Variants in CACNA2D1 observed in about 807,000 individuals in gnomAD.
The protein encoded by CACNA2D1 is calcium voltage-gated channel auxiliary subunit alpha2delta 1.
CACNA2D1 carries 53 observed loss-of-function variants against 171.5 expected under a neutral mutation model. That is an observed-to-expected ratio of 0.31 (90% CI 0.25 to 0.39). The LOEUF (loss-of-function observed/expected upper bound fraction) is 0.39. CACNA2D1 is among the 10% of genes least tolerant of loss of function. The pLI is 1.00. For synonymous variants in CACNA2D1, 442 were observed against 443.1 expected (o/e 1.00, Z 0.03); for missense variants, 903 against 1,299.8 (o/e 0.69, Z 4.69).
At chr7:82,058,934 C>T (rs141964643) in intron 10 of CACNA2D1, among the ~76,000 whole-genome samples, 1,552 of 152,232 alleles carry the variant, frequency 0.01, 26 homozygotes, top group African/African-American at 0.035. Context: ...TATACCTACT[C>T]TTAGGCCGCG....
intron 1 of CACNA2D1, among the ~76,000 whole-genome samples, chr7:82,357,134 T>C (rs531803231): frequency 6.6e-6 from 1 of 152,300 alleles, no homozygotes; most frequent in East Asian, 1.9e-4. Flanking sequence ...TATGCAGATT[T>C]TCATTAAGCA....
chr7:82,023,618 G>T (rs994369457), intron 12 of CACNA2D1, among the ~76,000 whole-genome samples: 1 of 151,456 alleles, frequency 6.6e-6, no homozygotes, highest in Non-Finnish European at 1.5e-5. Context: ...TTTCTTTCAA[G>T]ATGTTGTAAT....
chr7:82,005,928 A>G, intron 16 of CACNA2D1, 89 bp from the exon 17 acceptor site: 1 of 810,170 alleles, frequency 1.2e-6, no homozygotes, highest in Admixed American at 1.8e-5. Context: ...TGCTTGCATT[A>G]TGGTTATATT....
intron 10 of CACNA2D1, among the ~76,000 whole-genome samples, chr7:82,049,364 C>G (rs1049929631): frequency 1.3e-5 from 2 of 152,036 alleles, no homozygotes; most frequent in Non-Finnish European, 2.9e-5. Context: ...TTTAAGACCT[C>G]CTCCCATCCC....
At chr7:82,035,973 G>C (rs1445953876) in intron 11 of CACNA2D1, among the ~76,000 whole-genome samples, 2 of 152,188 alleles carry the variant, frequency 1.3e-5, no homozygotes, top group East Asian at 3.9e-4. Context: ...GCACATCTCT[G>C]ATTTTCTGTC....
intron 1 of CACNA2D1, among the ~76,000 whole-genome samples, chr7:82,361,570 TTAATG>T (rs1196580939): frequency 1.3e-5 from 2 of 152,252 alleles, no homozygotes; most frequent in East Asian, 3.9e-4. Flanking sequence ...ATTGCGATCT[TTAATG>T]TATTATATGT....
chr7:82,193,189 C>G (rs1798514149), intron 3 of CACNA2D1, among the ~76,000 whole-genome samples: 1 of 151,826 alleles, frequency 6.6e-6, no homozygotes, highest in Non-Finnish European at 1.5e-5. Flanking sequence ...GTAAATAAGG[C>G]CAAACAGGTA....
intron 38 of CACNA2D1, among the ~76,000 whole-genome samples, chr7:81,950,781 CTAATTT>C (rs890051726): frequency 1.3e-5 from 2 of 151,872 alleles, no homozygotes; most frequent in African/African-American, 2.4e-5. Flanking sequence ...GAATAATATA[CTAATTT>C]TAAAGAAAAA....
At chr7:82,400,343 G>T (rs866191389) in intron 1 of CACNA2D1, among the ~76,000 whole-genome samples, 3 of 150,972 alleles carry the variant, frequency 2.0e-5, no homozygotes, top group Non-Finnish European at 4.4e-5. Flanking sequence ...AGCATGGAAT[G>T]TTCTTCCATT....
intron 36 of CACNA2D1, among the ~76,000 whole-genome samples, chr7:81,960,704 CACTTTACAATTTAACTTACTTCTTT>C (rs1246257132): frequency 2.7e-5 from 4 of 145,546 alleles, no homozygotes; most frequent in African/African-American, 5.1e-5. Flanking sequence ...TGACCTTCTT[CACTTTACAATTTAACTTACTTCTTT>C]AAGCACACCA....
At chr7:82,173,204 A>C (rs1394465606) in intron 3 of CACNA2D1, among the ~76,000 whole-genome samples, 1 of 152,106 alleles carries the variant, frequency 6.6e-6, no homozygotes, top group Non-Finnish European at 1.5e-5. Context: ...CCAGAGAAAC[A>C]GAATAACAGT....
chr7:82,294,850 T>G (rs1038319189), intron 3 of CACNA2D1, among the ~76,000 whole-genome samples: 12 of 152,206 alleles, frequency 7.9e-5, no homozygotes, highest in African/African-American at 2.9e-4. Context: ...ACATTTTATG[T>G]TGTTAAAATG....
At chr7:82,033,413 T>C (rs1802946235) in intron 11 of CACNA2D1, among the ~76,000 whole-genome samples, 1 of 152,050 alleles carries the variant, frequency 6.6e-6, no homozygotes, top group African/African-American at 2.4e-5. Context: ...TTAATAAATG[T>C]CAATTTTATG....
At chr7:82,220,182 GTCAA>G (rs928158968) in intron 3 of CACNA2D1, among the ~76,000 whole-genome samples, 1 of 152,042 alleles carries the variant, frequency 6.6e-6, no homozygotes. Context: ...AGGCATTGTT[GTCAA>G]TCAATACAAA....
At chr7:82,125,769 C>A (rs896558855) in intron 5 of CACNA2D1, among the ~76,000 whole-genome samples, 2 of 152,050 alleles carry the variant, frequency 1.3e-5, no homozygotes, top group African/African-American at 4.8e-5. Flanking sequence ...AACAATCTTC[C>A]CCGTTTGTGT....
At chr7:82,301,733 A>G (rs1331971598) in intron 3 of CACNA2D1, among the ~76,000 whole-genome samples, 1 of 30,548 alleles carries the variant, frequency 3.3e-5, no homozygotes, top group Non-Finnish European at 8.5e-5. Flanking sequence ...TAAATAATAC[A>G]CACACACACA....
chr7:81,974,905 A>T (rs1379666154), intron 24 of CACNA2D1, among the ~76,000 whole-genome samples: 1 of 151,966 alleles, frequency 6.6e-6, no homozygotes, highest in Admixed American at 6.6e-5. Flanking sequence ...TAGGACAAAA[A>T]CCTAATGCAT....
chr7:82,101,942 A>T (rs1331124244), intron 6 of CACNA2D1, among the ~76,000 whole-genome samples: 1 of 152,170 alleles, frequency 6.6e-6, no homozygotes, highest in Non-Finnish European at 1.5e-5. Context: ...TATATAATAA[A>T]TTGGAGATAT....
intron 3 of CACNA2D1, among the ~76,000 whole-genome samples, chr7:82,193,382 G>A (rs1240595174): frequency 6.6e-6 from 1 of 151,832 alleles, no homozygotes; most frequent in Admixed American, 6.6e-5. Context: ...ACAAATATCT[G>A]GGATATTTTA....
Sources: gnomAD v4.1 joint callset for allele counts (sites outside exome capture counted in the v4.1 genomes callset) on GRCh38, gnomAD v4.1.1 for gene constraint, MANE v1.5 for transcripts, NCBI Gene and HGNC (gene_info 2026-07-23, HGNC 2026-07-21) for gene names.